The following NKAIN2 variants were observed in gnomAD, a reference collection of about 807,000 sequenced individuals.
NKAIN2 encodes the protein sodium/potassium transporting ATPase interacting 2, also known as sodium/potassium-transporting ATPase subunit beta-1-interacting protein 2.
In NKAIN2, 14 loss-of-function variants were observed where a neutral mutation model predicts 32.6. The ratio of observed to expected loss-of-function variants is 0.43; its 90% CI spans 0.28 to 0.67. NKAIN2 has a LOEUF of 0.67. Ranked by LOEUF, NKAIN2 falls within the 30% of genes least tolerant of loss-of-function variation. NKAIN2 has a pLI of 0.17. For missense variants in NKAIN2, 198 were observed against 258.3 expected (o/e 0.77, Z 1.60); for synonymous variants, 80 against 87.2 (o/e 0.92, Z 0.46).
chr6:123,933,819 C>T (rs551116001), intron 1 of NKAIN2, among the ~76,000 whole-genome samples: 238 of 152,316 alleles, frequency 1.6e-3, no homozygotes, highest in African/African-American at 5.4e-3. Context: ...TTATTTTGAG[C>T]TCCCTGGAAT....
intron 1 of NKAIN2, among the ~76,000 whole-genome samples, chr6:124,152,012 G>C (rs1787750459): frequency 6.6e-6 from 1 of 151,612 alleles, no homozygotes; most frequent in South Asian, 2.1e-4. Context: ...TACTTATTCT[G>C]TTTATAAAAT....
chr6:124,553,805 C>G (rs1380908863), intron 3 of NKAIN2, among the ~76,000 whole-genome samples: 1 of 152,186 alleles, frequency 6.6e-6, no homozygotes, highest in Non-Finnish European at 1.5e-5. Context: ...AATTTAGATT[C>G]AGCAAACATT....
intron 1 of NKAIN2, among the ~76,000 whole-genome samples, chr6:124,234,502 A>G (rs1199963146): frequency 6.6e-6 from 1 of 152,150 alleles, no homozygotes; most frequent in Non-Finnish European, 1.5e-5. Context: ...TATGCTCTTT[A>G]TAAATATAGA....
chr6:124,806,432 C>A (rs901190072), intron 5 of NKAIN2, among the ~76,000 whole-genome samples: 1 of 151,908 alleles, frequency 6.6e-6, no homozygotes, highest in Non-Finnish European at 1.5e-5. Flanking sequence ...TACAGACAAG[C>A]AAATGCTGAG....
chr6:124,356,683 C>A lies in NKAIN2; in HGVS notation c.273+1336C>A, dbSNP rs564998779. ...TCAGTGGCTCTAGGAGGGACCCAGA[C>A]CAGATTGCTGCTTAAAACTCACATT... is the stretch of plus-strand genomic sequence containing the variant. On this transcript the variant is annotated intron_variant, in intron 3 of 6. Transcript: ENST00000368417. Among the ~76,000 whole-genome samples, 13 of 152,200 alleles carry A rather than the reference C, an allele frequency of 8.5e-5. No individual in the cohort carries two copies. In the South Asian group the frequency reaches 2.7e-3, roughly 32 times the overall value.
chr6:123,959,467 G>A (rs1777742027), intron 1 of NKAIN2, among the ~76,000 whole-genome samples: 1 of 152,108 alleles, frequency 6.6e-6, no homozygotes, highest in Non-Finnish European at 1.5e-5. Context: ...GCTTTACAAT[G>A]CTTATTTTTG....
At chr6:124,819,130 GCAT>G (rs1486356281) in intron 6 of NKAIN2, 1 of 974,202 alleles carries the variant, frequency 1.0e-6, no homozygotes, top group Non-Finnish European at 1.2e-6. Context: ...CTATATATCA[GCAT>G]CAAGTGATAT....
chr6:124,664,293 A>G (rs2114450001), intron 4 of NKAIN2, among the ~76,000 whole-genome samples: 1 of 152,074 alleles, frequency 6.6e-6, no homozygotes, highest in East Asian at 1.9e-4. Context: ...GAAAGAAAAA[A>G]AAAAGAAATT....
intron 4 of NKAIN2, among the ~76,000 whole-genome samples, chr6:124,720,989 G>A (rs1022289432): frequency 6.6e-6 from 1 of 152,184 alleles, no homozygotes; most frequent in Non-Finnish European, 1.5e-5. Context: ...TTTCATAGGG[G>A]TGTGCAGTAC....
chr6:124,664,887 C>T (rs1422064333), intron 4 of NKAIN2, among the ~76,000 whole-genome samples: 1 of 119,524 alleles, frequency 8.4e-6, no homozygotes, highest in Non-Finnish European at 1.7e-5. Flanking sequence ...GAAGAAATTA[C>T]ATAAAATGTT....
chr6:124,110,865 A>G (rs1054911164), intron 1 of NKAIN2, among the ~76,000 whole-genome samples: 11 of 152,068 alleles, frequency 7.2e-5, no homozygotes, highest in Admixed American at 6.6e-4. Context: ...ATGCAAGTGT[A>G]TGTGTATTTT....
rs138509154 is a variant in NKAIN2 at position 124,368,040 on chromosome 6, A to G, written c.273+12693A>G. Among the ~76,000 whole-genome samples the G allele has an allele frequency of 7.4e-4, 113 of 152,208 alleles. 1 individual carries two copies. Among genetic ancestry groups the G allele is most frequent in the African/African-American group, 2.6e-3 (107 of 41,536 alleles). On this transcript the variant is annotated intron_variant, in intron 3 of 6. Coordinates refer to ENST00000368417, the MANE Select transcript of NKAIN2 (RefSeq NM_001040214.3). ...GGCTTAAATTCTTCCTTTAATTCCCAAGTTACATTATGCTGCTTTTGTGTG... is the reference window on the plus strand; with the variant it reads ...GGCTTAAATTCTTCCTTTAATTCCCGAGTTACATTATGCTGCTTTTGTGTG...
intron 3 of NKAIN2, among the ~76,000 whole-genome samples, chr6:124,540,014 C>A (rs1417953080): frequency 6.6e-6 from 1 of 152,172 alleles, no homozygotes; most frequent in Non-Finnish European, 1.5e-5. Flanking sequence ...AGCCACCACG[C>A]CCAGCCAAAG....
At chr6:124,716,567 T>C (rs1450347464) in intron 4 of NKAIN2, among the ~76,000 whole-genome samples, 1 of 152,296 alleles carries the variant, frequency 6.6e-6, no homozygotes, top group Non-Finnish European at 1.5e-5. Flanking sequence ...CAGTGGCTCC[T>C]AATATCACTT....
At chr6:124,129,643 G>T (rs1554258005) in intron 1 of NKAIN2, among the ~76,000 whole-genome samples, 1 of 151,832 alleles carries the variant, frequency 6.6e-6, no homozygotes, top group Non-Finnish European at 1.5e-5. Context: ...TTGAGACGAA[G>T]TTTCCCTTTT....
chr6:124,343,651 A>T (rs36194690), intron 2 of NKAIN2, among the ~76,000 whole-genome samples: 4 of 146,600 alleles, frequency 2.7e-5, no homozygotes, highest in South Asian at 2.3e-4. Context: ...GTCTGTTGAT[A>T]TCCTTCGCCC....
chr6:124,740,999 A>G (rs1411504444), intron 4 of NKAIN2, among the ~76,000 whole-genome samples: 1 of 151,754 alleles, frequency 6.6e-6, no homozygotes, highest in Non-Finnish European at 1.5e-5. Context: ...AAGCAGAAAA[A>G]ACAGAAAAAA....
At chr6:124,656,850 T>A (rs1429114616) in intron 3 of NKAIN2, among the ~76,000 whole-genome samples, 1 of 152,204 alleles carries the variant, frequency 6.6e-6, no homozygotes, top group Non-Finnish European at 1.5e-5. Context: ...TACTGCCTAA[T>A]TTTTGTTTGA....
intron 4 of NKAIN2, among the ~76,000 whole-genome samples, chr6:124,712,015 G>A (rs954486499): frequency 2.6e-4 from 39 of 152,130 alleles, no homozygotes; most frequent in Middle Eastern, 3.4e-3. Flanking sequence ...TGTTCTTTCT[G>A]TTTGTTAGTT....
Sources: gnomAD v4.1 joint callset for allele counts (sites outside exome capture counted in the v4.1 genomes callset) on GRCh38, gnomAD v4.1.1 for gene constraint, MANE v1.5 for transcripts, NCBI Gene and HGNC (gene_info 2026-07-23, HGNC 2026-07-21) for gene names.